The following ZNF438 variants were observed in gnomAD, a reference collection of about 807,000 sequenced individuals.
ZNF438 encodes the protein zinc finger protein 438.
Under a neutral mutation model 38.0 loss-of-function variants are expected in ZNF438, and 25 were observed. The ratio of observed to expected loss-of-function variants is 0.66; its 90% CI spans 0.48 to 0.92. The LOEUF (loss-of-function observed/expected upper bound fraction) is 0.92, where lower values mean the gene tolerates loss of function less well. Ranked by LOEUF, ZNF438 falls within the 40% of genes least tolerant of loss-of-function variation. The pLI is 0.00. For synonymous variants in ZNF438, 372 were observed against 364.1 expected (o/e 1.02, Z -0.25); for missense variants, 1,007 against 999.6 (o/e 1.01, Z -0.10).
chr10:30,993,562 A>G (rs772772798), intron 1 of ZNF438, among the ~76,000 whole-genome samples: 12 of 152,246 alleles, frequency 7.9e-5, no homozygotes, highest in Non-Finnish European at 5.9e-5. Flanking sequence ...CAAAGGATAT[A>G]CCAAAAAGAC....
intron 1 of ZNF438, among the ~76,000 whole-genome samples, chr10:31,010,461 GC>G (rs2055565975): frequency 6.6e-6 from 1 of 152,104 alleles, no homozygotes; most frequent in Admixed American, 6.5e-5. Flanking sequence ...ACCCTAAGTG[GC>G]CCATGGAAAC....
intron 1 of ZNF438, among the ~76,000 whole-genome samples, chr10:30,944,043 T>C (rs905791981): frequency 6.6e-6 from 1 of 152,162 alleles, no homozygotes; most frequent in African/African-American, 2.4e-5. Flanking sequence ...AGTGGACTAA[T>C]TGTGGGTTCC....
At chr10:31,031,464 C>T (rs1000785008) in intron 1 of ZNF438, among the ~76,000 whole-genome samples, 6 of 152,226 alleles carry the variant, frequency 3.9e-5, no homozygotes, top group Non-Finnish European at 8.8e-5. Context: ...CCCTACTTAA[C>T]ATGTCAAACT....
chr10:30,883,823 T>C (rs2039591201), intron 3 of ZNF438, among the ~76,000 whole-genome samples: 2 of 152,160 alleles, frequency 1.3e-5, no homozygotes, highest in African/African-American at 4.8e-5. Context: ...GAGGTTGAGG[T>C]TGCAGTGAGC....
At chr10:30,890,381 T>G (rs1341311773) in intron 3 of ZNF438, among the ~76,000 whole-genome samples, 3 of 152,250 alleles carry the variant, frequency 2.0e-5, no homozygotes, top group Non-Finnish European at 2.9e-5. Flanking sequence ...CATCTGGTTC[T>G]AACTACAATT....
At position 31,007,490 on chromosome 10, in the gene ZNF438, C is replaced by A. The variant is rs531613444; in HGVS notation, c.-192+24343G>T. Among the ~76,000 whole-genome samples, 6 of 152,242 alleles carry A rather than the reference C, an allele frequency of 3.9e-5. No individual in the cohort carries two copies. In the South Asian group the frequency reaches 6.2e-4, roughly 16 times the overall value. On this transcript the variant is annotated intron_variant, in intron 1 of 5. Transcript: ENST00000413025. ...TGAGACAGGGTTTCATCATGTTGGT[C>A]AGGCTGGTCTCCATCTCCTGACCTC...
At chr10:31,020,466 T>C (rs2056511605) in intron 1 of ZNF438, among the ~76,000 whole-genome samples, 1 of 152,210 alleles carries the variant, frequency 6.6e-6, no homozygotes, top group African/African-American at 2.4e-5. Context: ...GTTGTTGAAC[T>C]ACAGGGTATA....
intron 1 of ZNF438, among the ~76,000 whole-genome samples, chr10:30,997,400 C>T (rs867081257): frequency 1.3e-5 from 2 of 151,796 alleles, no homozygotes; most frequent in African/African-American, 4.8e-5. Flanking sequence ...TTTCAATAAG[C>T]CTGAAGAAAA....
chr10:30,884,305 A>C (rs1246173709), intron 3 of ZNF438, among the ~76,000 whole-genome samples: 5 of 152,184 alleles, frequency 3.3e-5, no homozygotes, highest in African/African-American at 9.7e-5. Context: ...CCTAACACTT[A>C]TTAAAAAATT....
intron 3 of ZNF438, among the ~76,000 whole-genome samples, chr10:30,883,319 T>C (rs2039516742): frequency 6.6e-6 from 1 of 152,206 alleles, no homozygotes; most frequent in Non-Finnish European, 1.5e-5. Flanking sequence ...TTTATAATTC[T>C]GCATTCCTTT....
At chr10:30,951,315 A>G (rs919355156) in intron 1 of ZNF438, among the ~76,000 whole-genome samples, 57 of 149,282 alleles carry the variant, frequency 3.8e-4, no homozygotes, top group South Asian at 6.4e-4. Flanking sequence ...AAAAACTGGA[A>G]GCATTCCCTT....
intron 1 of ZNF438, among the ~76,000 whole-genome samples, chr10:31,013,581 G>A (rs927039010): frequency 2.0e-5 from 3 of 152,026 alleles, no homozygotes; most frequent in Non-Finnish European, 2.9e-5. Flanking sequence ...ACAAACACAC[G>A]CACATTCTTC....
At chr10:30,878,712 C>A (rs7893595) in intron 3 of ZNF438, among the ~76,000 whole-genome samples, 68,003 of 151,960 alleles carry the variant, frequency 0.45, 15,737 homozygotes, top group African/African-American at 0.55. Context: ...TTGTAGCATG[C>A]CCTCTGGGAT....
At chr10:30,900,488 A>G (rs2041853851) in intron 3 of ZNF438, among the ~76,000 whole-genome samples, 1 of 152,226 alleles carries the variant, frequency 6.6e-6, no homozygotes, top group African/African-American at 2.4e-5. Context: ...TTGGTACAAC[A>G]GCAGCAGCAA....
Position 30,850,355 on chromosome 10 carries a change from ATG to A in ZNF438, c.48_49del (p.Ile17ProfsTer8). ...CCTACTCTGTATTGTTCCAGAAGGG[ATG>A]TTTGATTCACCTGCAATGACAATAA... On this transcript the variant is annotated frameshift_variant, in exon 5 of 6. Coordinates refer to ENST00000413025, the Ensembl canonical transcript of ZNF438. LOFTEE classifies it high-confidence loss of function. The A allele has an allele frequency of 5.0e-6, 8 of 1,611,430 alleles. No homozygotes were observed. Among genetic ancestry groups the A allele is most frequent in the Non-Finnish European group, 6.8e-6 (8 of 1,178,332 alleles).
intron 2 of ZNF438, among the ~76,000 whole-genome samples, chr10:30,931,874 T>C (rs1589260408): frequency 6.6e-6 from 1 of 152,238 alleles, no homozygotes; most frequent in Non-Finnish European, 1.5e-5. Context: ...AGGAAACGTA[T>C]AATTTAAATT....
intron 1 of ZNF438, among the ~76,000 whole-genome samples, chr10:30,951,261 A>C (rs2048157479): frequency 6.6e-6 from 1 of 150,944 alleles, no homozygotes. Flanking sequence ...AAATAATAAG[A>C]GCTATCTATG....
At chr10:30,928,927 C>T (rs117982169) in intron 2 of ZNF438, among the ~76,000 whole-genome samples, 36 of 152,272 alleles carry the variant, frequency 2.4e-4, no homozygotes, top group East Asian at 1.5e-3. Flanking sequence ...ATATCACTGT[C>T]GTCTCCTCTG....
chr10:30,890,898 A>G (rs1036141997), intron 3 of ZNF438, among the ~76,000 whole-genome samples: 2 of 152,204 alleles, frequency 1.3e-5, no homozygotes, highest in Non-Finnish European at 2.9e-5. Flanking sequence ...ATGAAGATTT[A>G]CTTTCTCTCT....
Sources: gnomAD v4.1 joint callset for allele counts (sites outside exome capture counted in the v4.1 genomes callset) on GRCh38, gnomAD v4.1.1 for gene constraint, MANE v1.5 for transcripts, NCBI Gene and HGNC (gene_info 2026-07-23, HGNC 2026-07-21) for gene names.